ASTN2: variants seen among roughly 807,000 people sequenced by gnomAD.
ASTN2 encodes astrotactin-2.
ASTN2 carries 54 observed loss-of-function variants against 139.8 expected under a neutral mutation model. The observed-to-expected ratio is 0.39, with a 90% CI of 0.31 to 0.48. ASTN2 has a LOEUF of 0.48. Ranked by LOEUF, ASTN2 falls within the 20% of genes least tolerant of loss-of-function variation. The pLI is 0.95. For missense variants in ASTN2, 1,565 were observed against 1,725.1 expected (o/e 0.91, Z 1.64); for synonymous variants, 756 against 719.5 (o/e 1.05, Z -0.81).
At chr9:117,176,736 C>T (rs1490201567) in intron 3 of ASTN2, among the ~76,000 whole-genome samples, 1 of 152,072 alleles carries the variant, frequency 6.6e-6, no homozygotes, top group African/African-American at 2.4e-5. Context: ...AGTTCAAGAC[C>T]AGCCTAAGTA....
intron 4 of ASTN2, among the ~76,000 whole-genome samples, chr9:117,121,690 G>A (rs1829562167): frequency 6.6e-6 from 1 of 152,192 alleles, no homozygotes; most frequent in African/African-American, 2.4e-5. Context: ...AGAAATATCT[G>A]AGACGGACTA....
At chr9:117,372,118 A>G (rs1830005612) in intron 1 of ASTN2, among the ~76,000 whole-genome samples, 1 of 152,138 alleles carries the variant, frequency 6.6e-6, no homozygotes, top group African/African-American at 2.4e-5. Context: ...TCCTCAATAT[A>G]GAAGCTGTAA....
In ASTN2 at chr9:116,699,929, C is replaced by G; in HGVS notation, c.2806+25842G>C. 2 of 643,302 alleles carry G rather than the reference C, an allele frequency of 3.1e-6. No homozygotes were observed. The highest frequency in any genetic ancestry group is 5.4e-6 in the Non-Finnish European group (2 of 367,302). The allele number at this position is 643,302 out of a possible 1,614,324, so 39.8% of individuals were successfully genotyped here. On this transcript the variant is annotated intron_variant, in intron 16 of 22. Coordinates refer to ENST00000313400, the MANE Select transcript of ASTN2 (RefSeq NM_001365068.1). The surrounding 1 kb of genome is among the most constrained non-coding windows in gnomAD (Gnocchi z 4.2). ...TAAAAGATGCACTGCCCAAATAGGA[C>G]ACACGATGGTGTTAGCTGAAGTTTG...
chr9:116,509,307 C>A (rs1294790049), intron 19 of ASTN2, among the ~76,000 whole-genome samples: 1 of 152,110 alleles, frequency 6.6e-6, no homozygotes, highest in African/African-American at 2.4e-5. Context: ...TGGTTTATAG[C>A]TTCATCCATG....
At position 116,969,994 on chromosome 9, in the gene ASTN2, T is replaced by C. The variant is rs1190202469; in HGVS notation, c.1889+5214A>G. Among the ~76,000 whole-genome samples the C allele has an allele frequency of 1.1e-4, 16 of 152,174 alleles. 1 individual carries two copies. Among genetic ancestry groups the C allele is most frequent in the Admixed American group, 1.0e-3 (16 of 15,270 alleles). On this transcript the variant is annotated intron_variant, in intron 10 of 22. Transcript: ENST00000313400. Reference sequence around the variant, plus strand: ...TCTGGAGCCTCTGGGGAACAATCTTTTCTTTGCCTCTTTCAGCTTCTGGCG... The same window carrying C: ...TCTGGAGCCTCTGGGGAACAATCTTCTCTTTGCCTCTTTCAGCTTCTGGCG...
At chr9:116,655,901 A>G (rs906270886) in intron 16 of ASTN2, among the ~76,000 whole-genome samples, 2 of 151,302 alleles carry the variant, frequency 1.3e-5, no homozygotes, top group East Asian at 3.9e-4. Context: ...GTTGTTTTGT[A>G]TTTTTTGGTA....
chr9:117,030,364 A>C (rs1184772326), intron 6 of ASTN2, among the ~76,000 whole-genome samples: 1 of 152,108 alleles, frequency 6.6e-6, no homozygotes, highest in Non-Finnish European at 1.5e-5. Flanking sequence ...GAGTTTGCCT[A>C]CTCCTTGCAA....
chr9:116,501,922 T>C (rs1214115358), intron 19 of ASTN2, among the ~76,000 whole-genome samples: 2 of 150,186 alleles, frequency 1.3e-5, no homozygotes, highest in Non-Finnish European at 3.0e-5. Flanking sequence ...CCAAACTCAG[T>C]TCTCCTCCAT....
intron 4 of ASTN2, among the ~76,000 whole-genome samples, chr9:117,121,957 A>G (rs1341823181): frequency 6.6e-6 from 1 of 152,154 alleles, no homozygotes; most frequent in Non-Finnish European, 1.5e-5. Context: ...ATCCAATACC[A>G]TCCCATCAGG....
intron 16 of ASTN2, among the ~76,000 whole-genome samples, chr9:116,705,251 T>C (rs803918): frequency 0.87 from 133,084 of 152,162 alleles, 58,657 homozygotes; most frequent in East Asian, 0.97. Flanking sequence ...ATGATGGATA[T>C]ATAAATGCCA....
rs16934529 is a variant in ASTN2, at chr9:117,342,437, C to T, written c.443-50924G>A. Among the ~76,000 whole-genome samples the T allele has an allele frequency of 6.8e-3, 1,039 of 152,322 alleles. 10 individuals carry two copies. Among genetic ancestry groups the T allele is most frequent in the African/African-American group, 0.024 (990 of 41,562 alleles). On this transcript the variant is annotated intron_variant, in intron 1 of 22. Coordinates refer to ENST00000313400, the MANE Select transcript of ASTN2 (RefSeq NM_001365068.1). ...GAAATCATATAGAACTTGGGAAATG[C>T]TAATGAGCAGCAGTGAATCGGAGTT...
At chr9:116,486,923 A>G (rs921135384) in intron 20 of ASTN2, among the ~76,000 whole-genome samples, 2 of 152,186 alleles carry the variant, frequency 1.3e-5, no homozygotes, top group Non-Finnish European at 2.9e-5. Flanking sequence ...ATCAGCATAT[A>G]TATCTCAGTA....
intron 4 of ASTN2, among the ~76,000 whole-genome samples, chr9:117,118,310 C>T (rs1222077902): frequency 6.6e-6 from 1 of 152,126 alleles, no homozygotes; most frequent in Non-Finnish European, 1.5e-5. Flanking sequence ...TCCTAGATCT[C>T]CAGTCATGAA....
intron 2 of ASTN2, among the ~76,000 whole-genome samples, chr9:117,228,527 G>T (rs1832786790): frequency 1.3e-5 from 2 of 151,992 alleles, no homozygotes; most frequent in Non-Finnish European, 2.9e-5. Context: ...AGTTACTAGG[G>T]GCAGAGAGTC....
At chr9:116,620,250 G>A in intron 18 of ASTN2, 60 bp downstream of exon 18, 1 of 1,611,742 alleles carries the variant, frequency 6.2e-7, no homozygotes. Flanking sequence ...GGGCTGGCAG[G>A]ACAGGAGTGT....
At chr9:117,158,184 C>CTAA (rs1159592588) in intron 3 of ASTN2, among the ~76,000 whole-genome samples, 1 of 152,026 alleles carries the variant, frequency 6.6e-6, no homozygotes, top group Non-Finnish European at 1.5e-5. Flanking sequence ...AACCCAGTTC[C>CTAA]ACTGCTAGTG....
At chr9:117,131,888 G>C (rs1202756069) in intron 4 of ASTN2, among the ~76,000 whole-genome samples, 1 of 152,094 alleles carries the variant, frequency 6.6e-6, no homozygotes, top group Non-Finnish European at 1.5e-5. Context: ...AGGACCCCTT[G>C]GGACTATCAT....
At chr9:117,238,400 C>G (rs1403330276) in intron 2 of ASTN2, among the ~76,000 whole-genome samples, 1 of 152,182 alleles carries the variant, frequency 6.6e-6, no homozygotes, top group African/African-American at 2.4e-5. Flanking sequence ...TGGTCAAGTC[C>G]TTGCCCATTT....
chr9:117,366,764 G>A lies in ASTN2; in HGVS notation c.442+47733C>T, dbSNP rs546390040. 2.7e-4 allele frequency among the ~76,000 whole-genome samples: 41 copies of A among 151,986 alleles called. No individual in the cohort carries two copies. In the East Asian group the frequency reaches 3.3e-3, roughly 12 times the overall value. On this transcript the variant is annotated intron_variant, in intron 1 of 22. Transcript: ENST00000313400. Reference sequence around the variant, plus strand: ...ACACCTGCTCTGAACCACAAATAGCGTCTACTTCATCTTCTCTTTTTTTTT... The same window carrying A: ...ACACCTGCTCTGAACCACAAATAGCATCTACTTCATCTTCTCTTTTTTTTT...
Sources: allele counts gnomAD v4.1 joint callset (sites outside exome capture counted in the v4.1 genomes callset), GRCh38; gene constraint gnomAD v4.1.1; non-coding constraint Gnocchi (gnomAD v3.1); transcripts MANE v1.5; gene names NCBI Gene and HGNC (gene_info 2026-07-23, HGNC 2026-07-21).